The following DPP10 variants were observed in gnomAD, a reference collection of about 807,000 sequenced individuals.
DPP10 encodes dipeptidyl peptidase like 10, also known as inactive dipeptidyl peptidase 10.
A neutral mutation model predicts 120.9 loss-of-function variants in DPP10; 33 were observed. The ratio of observed to expected loss-of-function variants is 0.27; its 90% CI spans 0.21 to 0.37. The LOEUF (loss-of-function observed/expected upper bound fraction) is 0.37, where lower values mean the gene tolerates loss of function less well. DPP10 is among the 10% of genes least tolerant of loss of function. The pLI is 1.00. For synonymous variants in DPP10, 337 were observed against 326.1 expected (o/e 1.03, Z -0.36); for missense variants, 816 against 942.8 (o/e 0.87, Z 1.76).
chr2:115,275,566 G>C (rs1006929603), intron 1 of DPP10, among the ~76,000 whole-genome samples: 1 of 152,062 alleles, frequency 6.6e-6, no homozygotes, highest in Non-Finnish European at 1.5e-5. Context: ...TATAAGTCAC[G>C]TTAGCCGCAA....
At chr2:115,740,667 A>C (rs535327932) in intron 9 of DPP10, among the ~76,000 whole-genome samples, 66 of 152,252 alleles carry the variant, frequency 4.3e-4, no homozygotes, top group Admixed American at 1.2e-3. Flanking sequence ...AGTGTTGGGC[A>C]AGGCCTCTAT....
intron 5 of DPP10, among the ~76,000 whole-genome samples, chr2:115,605,283 A>G (rs1328840675): frequency 6.6e-6 from 1 of 152,140 alleles, no homozygotes; most frequent in Non-Finnish European, 1.5e-5. Context: ...CATTTTGAAA[A>G]TGAGAAGACT....
At chr2:115,463,942 G>T (rs868496731) in intron 3 of DPP10, among the ~76,000 whole-genome samples, 6 of 152,200 alleles carry the variant, frequency 3.9e-5, no homozygotes, top group African/African-American at 1.4e-4. Context: ...TAATGGCTGA[G>T]CTCCTAAACT....
At chr2:114,757,144 GA>G (rs1422043502) in intron 1 of DPP10, among the ~76,000 whole-genome samples, 5 of 149,358 alleles carry the variant, frequency 3.3e-5, no homozygotes, top group Non-Finnish European at 5.9e-5. Flanking sequence ...GGAAGGGAGA[GA>G]GGGGTGGGGA....
chr2:114,619,612 GATAAA>G (rs1024212494), intron 1 of DPP10, among the ~76,000 whole-genome samples: 2 of 151,780 alleles, frequency 1.3e-5, no homozygotes, highest in African/African-American at 4.8e-5. Context: ...ACCTGAACCA[GATAAA>G]ATAAAATAAA....
At chr2:115,173,117 G>T (rs2053471379) in intron 1 of DPP10, among the ~76,000 whole-genome samples, 1 of 152,092 alleles carries the variant, frequency 6.6e-6, no homozygotes, top group South Asian at 2.1e-4. Flanking sequence ...CATCCCCATG[G>T]TTAAATTCCG....
intron 1 of DPP10, among the ~76,000 whole-genome samples, chr2:114,594,898 A>G (rs553746584): frequency 6.6e-6 from 1 of 151,624 alleles, no homozygotes; most frequent in East Asian, 1.9e-4. Flanking sequence ...TCTTTCTCTC[A>G]TGTTCCTTCC....
chr2:114,658,344 C>T (rs1238307319), intron 1 of DPP10, among the ~76,000 whole-genome samples: 1 of 152,060 alleles, frequency 6.6e-6, no homozygotes, highest in Non-Finnish European at 1.5e-5. Context: ...GTTGAGAGGA[C>T]AATGATAAGC....
chr2:115,724,390 A>G (rs1160198350), intron 7 of DPP10, among the ~76,000 whole-genome samples: 3 of 152,250 alleles, frequency 2.0e-5, no homozygotes, highest in East Asian at 1.9e-4. Context: ...TCTGCCCAGC[A>G]GTGATGTATA....
At chr2:115,540,095 A>G (rs2079089899) in intron 5 of DPP10, among the ~76,000 whole-genome samples, 1 of 151,878 alleles carries the variant, frequency 6.6e-6, no homozygotes. Flanking sequence ...TGTAGAATAT[A>G]ATTAGCCATG....
chr2:115,588,188 T>C (rs894686762), intron 5 of DPP10, among the ~76,000 whole-genome samples: 24 of 152,336 alleles, frequency 1.6e-4, no homozygotes, highest in Non-Finnish European at 3.4e-4. Flanking sequence ...CATTGGGTAT[T>C]TGTTGTGGTA....
chr2:115,147,174 A>AGT (rs550984161), intron 1 of DPP10, among the ~76,000 whole-genome samples: 9 of 151,240 alleles, frequency 6.0e-5, no homozygotes, highest in African/African-American at 1.7e-4. Flanking sequence ...ATGCATATAT[A>AGT]GTGTGTGTAT....
intron 1 of DPP10, among the ~76,000 whole-genome samples, chr2:114,504,338 A>G (rs1341725208): frequency 3.3e-5 from 5 of 152,078 alleles, no homozygotes; most frequent in Non-Finnish European, 7.4e-5. Flanking sequence ...CCAGTTTTCT[A>G]TTGCTCTTGT....
chr2:115,569,379 G>C (rs769164664), intron 5 of DPP10, among the ~76,000 whole-genome samples: 2 of 152,154 alleles, frequency 1.3e-5, no homozygotes, highest in Non-Finnish European at 2.9e-5. Flanking sequence ...TAATAAAAAA[G>C]GGCAAAAGTA....
chr2:115,166,236 G>C (rs1343541047), intron 1 of DPP10, among the ~76,000 whole-genome samples: 4 of 151,770 alleles, frequency 2.6e-5, no homozygotes, highest in Admixed American at 2.6e-4. Context: ...ATCATAATTT[G>C]ATCAATAAAC....
intron 3 of DPP10, among the ~76,000 whole-genome samples, chr2:115,442,396 G>A (rs765964072): frequency 2.9e-5 from 4 of 136,966 alleles, no homozygotes; most frequent in South Asian, 2.2e-4. Flanking sequence ...TGCGTGTGTC[G>A]TTTCATTAGA....
chr2:115,145,342 C>T (rs1218021111), intron 1 of DPP10, among the ~76,000 whole-genome samples: 1 of 152,084 alleles, frequency 6.6e-6, no homozygotes, highest in African/African-American at 2.4e-5. Context: ...ATCATTCATC[C>T]TTCTACTGTC....
At chr2:115,193,861 T>C (rs186685582) in intron 1 of DPP10, among the ~76,000 whole-genome samples, 1 of 152,302 alleles carries the variant, frequency 6.6e-6, no homozygotes, top group African/African-American at 2.4e-5. Flanking sequence ...ATAAGTGTCA[T>C]CCAGTCCTGA....
chr2:115,257,137 G>T (rs2059037222), intron 1 of DPP10, among the ~76,000 whole-genome samples: 1 of 152,176 alleles, frequency 6.6e-6, no homozygotes, highest in Admixed American at 6.5e-5. Flanking sequence ...TCTCTAAGAA[G>T]TTCTAAACGT....
Sources: allele counts gnomAD v4.1 joint callset (sites outside exome capture counted in the v4.1 genomes callset), GRCh38; gene constraint gnomAD v4.1.1; transcripts MANE v1.5; gene names NCBI Gene and HGNC (gene_info 2026-07-23, HGNC 2026-07-21).